NAV2: variants seen among roughly 807,000 people sequenced by gnomAD.
NAV2 encodes the protein neuron navigator 2, also known as helicase, APC down-regulated 1.
A neutral mutation model predicts 223.2 loss-of-function variants in NAV2; 54 were observed. The observed-to-expected ratio is 0.24, with a 90% CI of 0.19 to 0.30. The LOEUF (loss-of-function observed/expected upper bound fraction) is 0.30. Ranked by LOEUF, NAV2 falls within the 10% of genes least tolerant of loss-of-function variation. The pLI, the probability that NAV2 is intolerant of heterozygous loss-of-function variation, is 1.00. For synonymous variants in NAV2, 1,279 were observed against 1,239.3 expected (o/e 1.03, Z -0.67); for missense variants, 2,806 against 3,147.5 (o/e 0.89, Z 2.60).
intron 10 of NAV2, among the ~76,000 whole-genome samples, chr11:19,976,328 C>A (rs1330686615): frequency 6.6e-6 from 1 of 152,092 alleles, no homozygotes; most frequent in Non-Finnish European, 1.5e-5. Context: ...GATGGAGAGG[C>A]GTGTGTTGAG....
intron 1 of NAV2, among the ~76,000 whole-genome samples, chr11:19,688,129 C>T (rs1248221538): frequency 1.3e-5 from 2 of 152,174 alleles, no homozygotes; most frequent in Admixed American, 6.5e-5. Context: ...CTAGAGTTGG[C>T]TCATTATCAA....
At chr11:19,349,837 C>T (rs118105793), upstream of NAV2, among the ~76,000 whole-genome samples, 483 of 152,252 alleles carry the variant, frequency 3.2e-3, 2 homozygotes, top group Non-Finnish European at 4.8e-3. Flanking sequence ...GCTTCTGTGA[C>T]GTCAGCCGGG....
chr11:19,970,501 G>T (rs921001899), intron 10 of NAV2, among the ~76,000 whole-genome samples: 3 of 152,152 alleles, frequency 2.0e-5, no homozygotes, highest in African/African-American at 7.2e-5. Flanking sequence ...TCTTTCTTCA[G>T]TATACCAAGA....
At chr11:20,065,878 G>A (rs1256803274) in intron 20 of NAV2, among the ~76,000 whole-genome samples, 1 of 152,178 alleles carries the variant, frequency 6.6e-6, no homozygotes, top group Non-Finnish European at 1.5e-5. Flanking sequence ...TGAACTTGGG[G>A]CTTATTTCTG....
chr11:19,988,359 C>A (rs936669005), intron 11 of NAV2, among the ~76,000 whole-genome samples: 1 of 152,102 alleles, frequency 6.6e-6, no homozygotes, highest in African/African-American at 2.4e-5. Context: ...TCTTCTAAGC[C>A]GTTAGAATAC....
intron 11 of NAV2, among the ~76,000 whole-genome samples, chr11:20,014,511 T>G (rs1479919013): frequency 6.6e-6 from 1 of 152,172 alleles, no homozygotes; most frequent in Non-Finnish European, 1.5e-5. Context: ...TTCCAGCACT[T>G]TGGGAGGCCA....
chr11:20,114,811 C>A lies in NAV2; in HGVS notation c.7164+16C>A. Reference sequence around the variant, plus strand: ...TGACCCGCTGGTGAGTCCTCAGCCACCAGAGCAGCTCAGCATTCCTTTAGC... The same window carrying A: ...TGACCCGCTGGTGAGTCCTCAGCCAACAGAGCAGCTCAGCATTCCTTTAGC... On this transcript the variant is annotated intron_variant, in intron 37 of 37. Coordinates refer to ENST00000349880, the MANE Select transcript of NAV2 (RefSeq NM_145117.5). The A allele has an allele frequency of 6.2e-7, 1 of 1,608,882 alleles. No individual in the cohort carries two copies.
intron 1 of NAV2, among the ~76,000 whole-genome samples, chr11:19,440,763 T>C (rs887840983): frequency 6.6e-6 from 1 of 152,188 alleles, no homozygotes; most frequent in African/African-American, 2.4e-5. Flanking sequence ...GAACTCTAGG[T>C]GATTGACTAA....
At chr11:19,553,204 C>T (rs1275034742) in intron 1 of NAV2, among the ~76,000 whole-genome samples, 1 of 152,182 alleles carries the variant, frequency 6.6e-6, no homozygotes, top group Non-Finnish European at 1.5e-5. Context: ...CCAGATGGAC[C>T]TTCAAGCCAG....
intron 1 of NAV2, among the ~76,000 whole-genome samples, chr11:19,620,862 G>A (rs2046971410): frequency 6.6e-6 from 1 of 152,158 alleles, no homozygotes; most frequent in Admixed American, 6.5e-5. Flanking sequence ...AATGCTTCCA[G>A]TTTTTGCCCA....
In NAV2 at chr11:19,583,651, G is replaced by A. The variant is rs563561757; in HGVS notation, c.75+232624G>A. On this transcript the variant is annotated intron_variant, in intron 1 of 37. Coordinates refer to the NAV2 transcript ENST00000360655. ...TTGAGATAATCATGTGGTTTTTGTC[G>A]TTGGTTCTGTTTATATGCTGGATTA... is the stretch of plus-strand genomic sequence containing the variant. 6.1e-4 allele frequency among the ~76,000 whole-genome samples: 87 copies of A among 143,384 alleles called. No homozygotes were observed. In the South Asian group the frequency reaches 6.4e-3, roughly 11 times the overall value. The allele number at this position is 143,384 out of a possible 152,430, so 94.1% of individuals were successfully genotyped here.
chr11:19,368,359 C>A (rs1046783349), intron 1 of NAV2, among the ~76,000 whole-genome samples: 1 of 152,150 alleles, frequency 6.6e-6, no homozygotes, highest in African/African-American at 2.4e-5. Flanking sequence ...TTCCTGCTGG[C>A]CTCCCTGTTC....
intron 1 of NAV2, among the ~76,000 whole-genome samples, chr11:19,726,308 G>T (rs1405013451): frequency 3.3e-5 from 5 of 152,172 alleles, no homozygotes; most frequent in Admixed American, 2.6e-4. Context: ...CCCCTGTCCT[G>T]TTCCTATAGG....
chr11:19,475,376 C>T (rs1453686833), intron 1 of NAV2, among the ~76,000 whole-genome samples: 1 of 152,148 alleles, frequency 6.6e-6, no homozygotes, highest in African/African-American at 2.4e-5. Context: ...TGCCTTTGAG[C>T]CACATGGAAG....
intron 11 of NAV2, among the ~76,000 whole-genome samples, chr11:20,020,605 C>T (rs1362789749): frequency 1.3e-5 from 2 of 152,126 alleles, no homozygotes; most frequent in Admixed American, 6.5e-5. Flanking sequence ...TTCTTTTAAC[C>T]ATAGAAAGAA....
chr11:19,815,480 G>C (rs2059045955), intron 1 of NAV2, among the ~76,000 whole-genome samples: 1 of 152,224 alleles, frequency 6.6e-6, no homozygotes, highest in Non-Finnish European at 1.5e-5. Flanking sequence ...TGGTTCTGAA[G>C]TTGGATGAAC....
chr11:20,044,635 C>T (rs2057266384), intron 13 of NAV2, among the ~76,000 whole-genome samples: 2 of 152,054 alleles, frequency 1.3e-5, no homozygotes, highest in Non-Finnish European at 2.9e-5. Flanking sequence ...GCAGAGGTAT[C>T]CCCTGGACAT....
rs186663248 is a variant in NAV2, at chr11:20,096,583, C to A, written c.6012+816C>A. 3.3e-4 allele frequency among the ~76,000 whole-genome samples: 50 copies of A among 152,208 alleles called. No homozygotes were observed. The East Asian group carries it at 9.3e-3, about 28-fold the overall frequency. ...CAAGGTCATGGATCTAGAATTAGAC[C>A]CCGTTGGTCCAGTTTAGTTGGTCTG... On this transcript the variant is annotated intron_variant, in intron 30 of 37. Transcript: ENST00000349880.
At chr11:19,806,717 G>T (rs995065296) in intron 1 of NAV2, among the ~76,000 whole-genome samples, 6 of 152,180 alleles carry the variant, frequency 3.9e-5, no homozygotes, top group Admixed American at 3.3e-4. Flanking sequence ...TGATGCTTTG[G>T]TGAATTAGAA....
Sources: allele counts gnomAD v4.1 joint callset (sites outside exome capture counted in the v4.1 genomes callset), GRCh38; gene constraint gnomAD v4.1.1; transcripts MANE v1.5; gene names NCBI Gene and HGNC (gene_info 2026-07-23, HGNC 2026-07-21).